The following EPS15L1 variants were observed in gnomAD, a reference collection of about 807,000 sequenced individuals.
EPS15L1 encodes epidermal growth factor receptor pathway substrate 15 like 1.
In EPS15L1, 43 loss-of-function variants were observed where a neutral mutation model predicts 117.1. The observed-to-expected ratio is 0.37, with a 90% CI of 0.29 to 0.47. The LOEUF (loss-of-function observed/expected upper bound fraction) is 0.47. EPS15L1 is among the 20% of genes least tolerant of loss of function. EPS15L1 has a pLI of 0.99. For missense variants in EPS15L1, 981 were observed against 1,164.0 expected, an observed-to-expected ratio of 0.84 and a Z score of 2.29; for synonymous variants, 459 against 470.5, an observed-to-expected ratio of 0.98 and a Z score of 0.32.
intron 12 of EPS15L1, chr19:16,417,293 T>C: frequency 2.2e-6 from 1 of 457,550 alleles, no homozygotes; most frequent in Non-Finnish European, 4.0e-6. Context: ...ACCACACAGC[T>C]GCCACCCACA....
chr19:16,424,755 G>A (rs576223559), intron 9 of EPS15L1, among the ~76,000 whole-genome samples: 2 of 152,190 alleles, frequency 1.3e-5, no homozygotes, highest in African/African-American at 4.8e-5. Context: ...CCGTCTCCCA[G>A]GTTCAAGCAA....
In EPS15L1 at chr19:16,471,708, G is replaced by A. The variant is rs2093347771; in HGVS notation, c.33+205C>T. On this transcript the variant is annotated intron_variant, in intron 1 of 23. Coordinates refer to ENST00000455140, the MANE Select transcript of EPS15L1 (RefSeq NM_001258374.3). The surrounding 1 kb of genome is among the most constrained non-coding windows in gnomAD (Gnocchi z 4.8). Reference sequence around the variant, plus strand: ...CTGCGCACCTCCTCGCCTCGCCGGTGCCCGCGAGGGTCGCTCGGGCACGGG... The same window carrying A: ...CTGCGCACCTCCTCGCCTCGCCGGTACCCGCGAGGGTCGCTCGGGCACGGG... Among the ~76,000 whole-genome samples, 1 of 151,798 alleles carries A rather than the reference G, an allele frequency of 6.6e-6. No homozygotes were observed. Among genetic ancestry groups the A allele is most frequent in the Non-Finnish European group, 1.5e-5 (1 of 67,864 alleles).
chr19:16,420,389 T>A (rs1182738501), intron 10 of EPS15L1, among the ~76,000 whole-genome samples: 3 of 152,090 alleles, frequency 2.0e-5, no homozygotes, highest in Admixed American at 1.3e-4. Context: ...GGTTTCAGAG[T>A]CATAAAGGGG....
chr19:16,380,822 C>T (rs1240385570), intron 21 of EPS15L1, among the ~76,000 whole-genome samples: 2 of 152,214 alleles, frequency 1.3e-5, no homozygotes, highest in Admixed American at 1.3e-4. Flanking sequence ...TCTCTGGCAG[C>T]TAGTTATAGA....
chr19:16,434,351 C>T lies in EPS15L1; in HGVS notation c.498+14G>A, dbSNP rs776601124. On this transcript the variant is annotated intron_variant, in intron 7 of 23. Coordinates refer to ENST00000455140, the MANE Select transcript of EPS15L1 (RefSeq NM_001258374.3). Reference sequence around the variant, plus strand: ...ACACTGAGTGCAGAAGAACCAAGCCCGTGGCCCACTTACCCTGCCCAGGAC... The same window carrying T: ...ACACTGAGTGCAGAAGAACCAAGCCTGTGGCCCACTTACCCTGCCCAGGAC... The T allele has an allele frequency of 6.2e-6, 10 of 1,612,454 alleles. No individual in the cohort carries two copies. The highest frequency in any genetic ancestry group is 2.2e-5 in the South Asian group (2 of 90,916).
At position 16,459,810 on chromosome 19, in the gene EPS15L1, G is replaced by A. The variant is rs2145172003; in HGVS notation, c.33+12103C>T. On this transcript the variant is annotated intron_variant, in intron 1 of 23. Coordinates refer to ENST00000455140, the MANE Select transcript of EPS15L1 (RefSeq NM_001258374.3). Reference sequence around the variant, plus strand: ...GGGGAGGGAGGTCAGGCAAGGCTGTGAATCAGCACGTGAGTTGCAGGTGTA... The same window carrying A: ...GGGGAGGGAGGTCAGGCAAGGCTGTAAATCAGCACGTGAGTTGCAGGTGTA... Among the ~76,000 whole-genome samples, 3 of 152,294 alleles carry A rather than the reference G, an allele frequency of 2.0e-5. 1 individual carries two copies. The South Asian group carries it at 6.2e-4, about 32-fold the overall frequency.
intron 1 of EPS15L1, among the ~76,000 whole-genome samples, chr19:16,451,494 A>C (rs2093142079): frequency 6.6e-6 from 1 of 151,644 alleles, no homozygotes; most frequent in African/African-American, 2.4e-5. Context: ...TTAGAGGTGC[A>C]TGTTGAAATA....
At chr19:16,424,318 T>C (rs1300540727) in intron 9 of EPS15L1, among the ~76,000 whole-genome samples, 4 of 152,044 alleles carry the variant, frequency 2.6e-5, no homozygotes, top group Non-Finnish European at 4.4e-5. Flanking sequence ...GCAGGAGCTA[T>C]ACCCTCCCAC....
intron 5 of EPS15L1, 50 bp from the exon 6 acceptor site, chr19:16,437,049 T>C (rs1311947915): frequency 7.8e-6 from 12 of 1,541,870 alleles, no homozygotes; most frequent in Non-Finnish European, 1.1e-5. Context: ...AATTAAATCA[T>C]AGGTGGGTGG....
chr19:16,409,768 T>C (rs2092689178), intron 13 of EPS15L1, among the ~76,000 whole-genome samples: 1 of 151,822 alleles, frequency 6.6e-6, no homozygotes, highest in Non-Finnish European at 1.5e-5. Flanking sequence ...TGAAACCCTG[T>C]CTCTACTAAA....
chr19:16,440,889 T>C lies in EPS15L1; in HGVS notation c.186A>G (p.Pro62=). ...GTTTGTCCAAGAACCCTTTACCTTCTGGATCGGCCAAGTCCCATATCTGCG... is the reference window on the plus strand; with the variant it reads ...GTTTGTCCAAGAACCCTTTACCTTCCGGATCGGCCAAGTCCCATATCTGCG... ...ILGKIWDLAD[P]EGKGFLDKQG... Residue 62 remains proline (P), a synonymous_variant, in exon 4 of 24, where the codon CCA becomes CCG. Transcript: ENST00000455140. The C allele has an allele frequency of 1.2e-6, 2 of 1,614,180 alleles. No homozygotes were observed. The highest frequency in any genetic ancestry group is 1.1e-5 in the South Asian group (1 of 91,088).
At chr19:16,391,534 G>T (rs772522952) in intron 19 of EPS15L1, among the ~76,000 whole-genome samples, 16 of 152,088 alleles carry the variant, frequency 1.1e-4, no homozygotes, top group African/African-American at 3.9e-4. Context: ...AGCAGGCCCC[G>T]GGCCTGGGTT....
At chr19:16,470,006 T>C (rs905260379) in intron 1 of EPS15L1, among the ~76,000 whole-genome samples, 1 of 151,968 alleles carries the variant, frequency 6.6e-6, no homozygotes, top group Non-Finnish European at 1.5e-5. Flanking sequence ...TGTAAAGAAG[T>C]GCTGACATTT....
At chr19:16,399,338 C>T (rs766887903) in intron 16 of EPS15L1, among the ~76,000 whole-genome samples, 38 of 152,236 alleles carry the variant, frequency 2.5e-4, no homozygotes, top group Non-Finnish European at 4.4e-4. Context: ...ACAGACCCAT[C>T]TGCCAACTTG....
intron 1 of EPS15L1, among the ~76,000 whole-genome samples, chr19:16,470,922 T>C (rs2145224408): frequency 6.6e-6 from 1 of 152,244 alleles, no homozygotes; most frequent in Non-Finnish European, 1.5e-5. Context: ...CATTTTTATA[T>C]CTCCATTTTC....
At chr19:16,359,869 G>A (rs1289768819) in intron 23 of EPS15L1, among the ~76,000 whole-genome samples, 1 of 150,492 alleles carries the variant, frequency 6.6e-6, no homozygotes, top group African/African-American at 2.5e-5. Flanking sequence ...CTCCAAATAT[G>A]TAAAAACCAA....
intron 1 of EPS15L1, among the ~76,000 whole-genome samples, chr19:16,452,672 G>A (rs1257797986): frequency 2.6e-5 from 4 of 150,980 alleles, no homozygotes; most frequent in Admixed American, 2.0e-4. Flanking sequence ...AAAAATATAC[G>A]TAGGTGGGGG....
At chr19:16,429,933 G>A (rs773878060) in intron 7 of EPS15L1, among the ~76,000 whole-genome samples, 3 of 152,218 alleles carry the variant, frequency 2.0e-5, no homozygotes, top group Non-Finnish European at 4.4e-5. Context: ...GCAGGGTGGT[G>A]AGCAGCATTC....
rs1013989349 is a variant in EPS15L1, at chr19:16,371,180, G to A, written c.2380+5942C>T. On this transcript the variant is annotated intron_variant, in intron 22 of 23. Coordinates refer to ENST00000455140, the MANE Select transcript of EPS15L1 (RefSeq NM_001258374.3). The surrounding 1 kb of genome is among the most constrained non-coding windows in gnomAD (Gnocchi z 4.7). ...CCCACATGGGCACATGATGGGGAGAGGTCACTGAGCCCTGGTTTCGATGTT... is the reference window on the plus strand; with the variant it reads ...CCCACATGGGCACATGATGGGGAGAAGTCACTGAGCCCTGGTTTCGATGTT... 2.6e-5 allele frequency among the ~76,000 whole-genome samples: 4 copies of A among 152,192 alleles called. No individual in the cohort carries two copies. The highest frequency in any genetic ancestry group is 4.4e-5 in the Non-Finnish European group (3 of 68,032).
Sources: gnomAD v4.1 joint callset for allele counts (sites outside exome capture counted in the v4.1 genomes callset) on GRCh38, gnomAD v4.1.1 for gene constraint, Gnocchi (gnomAD v3.1) non-coding constraint, MANE v1.5 for transcripts, NCBI Gene and HGNC (gene_info 2026-07-23, HGNC 2026-07-21) for gene names.